DSC1: variants seen among roughly 807,000 people sequenced by gnomAD.
DSC1 encodes the protein desmocollin-1.
Under a neutral mutation model 98.8 loss-of-function variants are expected in DSC1, and 79 were observed. The ratio of observed to expected loss-of-function variants is 0.80; its 90% CI spans 0.67 to 0.96. The LOEUF (loss-of-function observed/expected upper bound fraction) is 0.96. Among genes scored for constraint, DSC1 ranks in the 50% least tolerant of loss-of-function variants. The pLI, the probability that DSC1 is intolerant of heterozygous loss-of-function variation, is 0.00. For missense variants in DSC1, 1,115 were observed against 1,075.9 expected, an observed-to-expected ratio of 1.04 and a Z score of -0.51; for synonymous variants, 405 against 372.1, an observed-to-expected ratio of 1.09 and a Z score of -1.02.
intron 7 of DSC1, among the ~76,000 whole-genome samples, chr18:31,144,235 T>G (rs1391537134): frequency 7.4e-6 from 1 of 134,516 alleles, no homozygotes; most frequent in African/African-American, 3.0e-5. Context: ...CGTATAATTT[T>G]GTTAAAAAAA....
At chr18:31,155,897 T>G in intron 4 of DSC1, 146 bp downstream of exon 4, 1 of 818,660 alleles carries the variant, frequency 1.2e-6, no homozygotes, top group Non-Finnish European at 1.9e-6. Flanking sequence ...GGGTCACTTC[T>G]ATGGGACCCT....
intron 13 of DSC1, among the ~76,000 whole-genome samples, chr18:31,133,599 C>G (rs541579257): frequency 2.6e-5 from 4 of 152,116 alleles, no homozygotes; most frequent in Admixed American, 1.3e-4. Context: ...TTTTACCCAG[C>G]CTCTTCATTT....
chr18:31,150,044 C>CACA (rs1988929922), intron 5 of DSC1, among the ~76,000 whole-genome samples: 1 of 81,064 alleles, frequency 1.2e-5, no homozygotes. Flanking sequence ...CCATCATCAT[C>CACA]ACCACCACCA....
intron 2 of DSC1, among the ~76,000 whole-genome samples, chr18:31,158,078 C>G (rs1025112738): frequency 6.6e-6 from 1 of 152,052 alleles, no homozygotes; most frequent in Non-Finnish European, 1.5e-5. Flanking sequence ...ATCAGCCTGG[C>G]CAATATGGTG....
At chr18:31,139,693 T>C in intron 11 of DSC1, 55 bp downstream of exon 11, 1 of 1,456,528 alleles carries the variant, frequency 6.9e-7, no homozygotes, top group East Asian at 2.3e-5. Context: ...CACCACAAGG[T>C]TTCCTTAAAA....
At chr18:31,133,801 G>T in intron 13 of DSC1, 90 bp downstream of exon 13, 1 of 1,290,096 alleles carries the variant, frequency 7.8e-7, no homozygotes. Context: ...ACTTCCCAAA[G>T]GCTATTAATA....
intron 5 of DSC1, among the ~76,000 whole-genome samples, chr18:31,153,613 T>C (rs1019770282): frequency 6.6e-5 from 10 of 152,284 alleles, no homozygotes; most frequent in Non-Finnish European, 1.5e-4. Context: ...CACTACCTTA[T>C]AGACTGCTTT....
chr18:31,147,835 A>G (rs183360335), intron 6 of DSC1, among the ~76,000 whole-genome samples: 27 of 152,294 alleles, frequency 1.8e-4, no homozygotes, highest in Admixed American at 1.2e-3. Context: ...GGCACCATAA[A>G]ATAGACATTC....
At chr18:31,137,807 T>C (rs1371944357) in intron 11 of DSC1, among the ~76,000 whole-genome samples, 1 of 152,148 alleles carries the variant, frequency 6.6e-6, no homozygotes, top group East Asian at 1.9e-4. Context: ...GGAGCAATGC[T>C]ACTCTAGGTG....
chr18:31,150,313 T>C (rs373753639), intron 5 of DSC1, among the ~76,000 whole-genome samples: 1,147 of 6,748 alleles, frequency 0.17, 86 homozygotes, highest in East Asian at 0.45. Context: ...TCACCACCAC[T>C]ACTACCATCA....
chr18:31,145,094 C>T lies in DSC1; in HGVS notation c.939+517G>A, dbSNP rs571742114. Among the ~76,000 whole-genome samples the T allele has an allele frequency of 5.9e-5, 9 of 152,128 alleles. No individual in the cohort carries two copies. In the South Asian group the frequency reaches 1.9e-3, roughly 32 times the overall value. The stretch of plus-strand genomic sequence containing the variant: ...AGCTGGGACTACAGGCGCCCGCCAC[C>T]AAGCCCGGCTAATTTCTTTGGATTT... On this transcript the variant is annotated intron_variant, in intron 7 of 15. Coordinates refer to ENST00000257198, the MANE Select transcript of DSC1 (RefSeq NM_024421.2).
At chr18:31,147,450 A>G (rs1279445782) in intron 6 of DSC1, among the ~76,000 whole-genome samples, 1 of 152,154 alleles carries the variant, frequency 6.6e-6, no homozygotes, top group African/African-American at 2.4e-5. Context: ...GCTGCCTTCT[A>G]TATGTGGGTA....
intron 6 of DSC1, among the ~76,000 whole-genome samples, chr18:31,147,784 A>G (rs572481334): frequency 1.5e-3 from 233 of 152,174 alleles, no homozygotes; most frequent in African/African-American, 5.4e-3. Context: ...ACAAAAGTCA[A>G]ATCCTTTGAA....
intron 7 of DSC1, 69 bp from the exon 8 acceptor site, chr18:31,143,860 CTTG>C (rs1271446333): frequency 8.4e-7 from 1 of 1,188,652 alleles, no homozygotes; most frequent in Non-Finnish European, 1.1e-6. Flanking sequence ...CTCACAACCA[CTTG>C]TTTAGGCACG....
chr18:31,157,477 T>C lies in DSC1; in HGVS notation c.245A>G (p.Asp82Gly), dbSNP rs1035718520. ...TTTCCTTTCAGAAGACAAAATGAGG[T>C]CATGTGTTGTGTAAATTGAGCCATC... ...LEDGSIYTTH[D>G]LILSSERKSF... Residue 82 changes from aspartate (D) to glycine (G), a missense_variant, in exon 3 of 16, where the codon GAC becomes GGC. Coordinates refer to ENST00000257198, the MANE Select transcript of DSC1 (RefSeq NM_024421.2). 3 of 1,613,898 alleles carry C rather than the reference T, an allele frequency of 1.9e-6. No homozygotes were observed. The highest frequency in any genetic ancestry group is 1.7e-5 in the Admixed American group (1 of 59,988).
Position 31,142,180 on chromosome 18 carries a change from A to G in DSC1, c.1079T>C (p.Val360Ala). Residue 360 changes from valine (V) to alanine (A), a missense_variant, in exon 9 of 16, where the codon GTT (valine) becomes GCT (alanine). Physicochemically the swap from Val to Ala is moderately conservative, Grantham distance 64. Transcript: ENST00000257198. ...NPPSFTETSY[V>A]TEVEENRIDV... Reference sequence around the variant, plus strand: ...AATTCTGTTTTCTTCTACTTCTGTAACATACTGAAAGAATTGCCCCTTATT... The same window carrying G: ...AATTCTGTTTTCTTCTACTTCTGTAGCATACTGAAAGAATTGCCCCTTATT... 3 of 1,608,366 alleles carry G rather than the reference A, an allele frequency of 1.9e-6. No homozygotes were observed. Among genetic ancestry groups the G allele is most frequent in the Non-Finnish European group, 2.5e-6 (3 of 1,178,776 alleles).
At chr18:31,130,775 A>G in intron 15 of DSC1, 64 bp from the exon 16 acceptor site, 1 of 1,612,052 alleles carries the variant, frequency 6.2e-7, no homozygotes, top group Non-Finnish European at 8.5e-7. Flanking sequence ...TAGCAGAAAA[A>G]TGATGTCTTT....
intron 11 of DSC1, among the ~76,000 whole-genome samples, chr18:31,135,246 G>A (rs1454018993): frequency 6.6e-6 from 1 of 151,918 alleles, no homozygotes; most frequent in Non-Finnish European, 1.5e-5. Flanking sequence ...TGTAGCATTC[G>A]GTTGCCACTC....
chr18:31,158,443 T>G (rs1445164590), intron 2 of DSC1, among the ~76,000 whole-genome samples: 2 of 152,220 alleles, frequency 1.3e-5, no homozygotes, highest in Non-Finnish European at 2.9e-5. Context: ...TTACTATGTG[T>G]CTTTAGAGTG....
Sources: allele counts gnomAD v4.1 joint callset (sites outside exome capture counted in the v4.1 genomes callset), GRCh38; gene constraint gnomAD v4.1.1; transcripts MANE v1.5; gene names NCBI Gene and HGNC (gene_info 2026-07-23, HGNC 2026-07-21).